Variants in PRKCZ observed in about 807,000 individuals in gnomAD.
The protein encoded by PRKCZ is protein kinase C zeta type.
In PRKCZ, 33 loss-of-function variants were observed where a neutral mutation model predicts 79.5. The observed-to-expected ratio is 0.41, with a 90% CI of 0.31 to 0.55. The LOEUF is 0.55. Ranked by LOEUF, PRKCZ falls within the 20% of genes least tolerant of loss-of-function variation. The pLI is 0.19. For synonymous variants in PRKCZ, 342 were observed against 320.9 expected, an observed-to-expected ratio of 1.07 and a Z score of -0.70; for missense variants, 578 against 813.5, an observed-to-expected ratio of 0.71 and a Z score of 3.52.
chr1:2,077,252 A>G (rs996550177), intron 4 of PRKCZ, among the ~76,000 whole-genome samples: 33 of 152,074 alleles, frequency 2.2e-4, no homozygotes, highest in African/African-American at 7.5e-4. Flanking sequence ...GTTATTTTGA[A>G]ATAGGGGGTT....
chr1:2,085,428 T>C (rs17714536), intron 4 of PRKCZ, among the ~76,000 whole-genome samples: 2,063 of 152,380 alleles, frequency 0.014, 28 homozygotes, highest in Non-Finnish European at 0.018. Context: ...ATACCAGGCT[T>C]GACTTTACTC....
chr1:2,101,854 G>A (rs954708385), intron 4 of PRKCZ, among the ~76,000 whole-genome samples: 1 of 152,214 alleles, frequency 6.6e-6, no homozygotes, highest in African/African-American at 2.4e-5. Flanking sequence ...AGGATACACG[G>A]CAGAGATACG....
At chr1:2,139,269 T>A (rs890359952) in intron 5 of PRKCZ, among the ~76,000 whole-genome samples, 7 of 152,114 alleles carry the variant, frequency 4.6e-5, no homozygotes, top group Admixed American at 3.9e-4. Flanking sequence ...CAAGACATTT[T>A]CTCTGTCAAC....
intron 4 of PRKCZ, among the ~76,000 whole-genome samples, chr1:2,086,621 G>A (rs1263491837): frequency 2.0e-5 from 3 of 152,234 alleles, no homozygotes; most frequent in Non-Finnish European, 4.4e-5. Context: ...GCTTCCTTCG[G>A]AGGAGGGTGG....
chr1:2,101,460 C>T (rs1295219677), intron 4 of PRKCZ, among the ~76,000 whole-genome samples: 5 of 152,226 alleles, frequency 3.3e-5, no homozygotes, highest in Non-Finnish European at 5.9e-5. Context: ...TGGTGCGAGA[C>T]ATCCTGTTGC....
Position 2,168,407 on chromosome 1 carries a change from G to A in PRKCZ, c.975-1111G>A, listed in dbSNP as rs537595722. Among the ~76,000 whole-genome samples the A allele has an allele frequency of 1.4e-4, 21 of 152,302 alleles. No homozygotes were observed. Among genetic ancestry groups the A allele is most frequent in the South Asian group, 2.1e-4 (1 of 4,832 alleles). On this transcript the variant is annotated intron_variant, in intron 10 of 17. Transcript: ENST00000378567. This position sits in a 1 kb window ranked among gnomAD's most constrained non-coding sequence, Gnocchi z 4.7. ...GCCGAGGAACGAGCCTTCCCCAGCC[G>A]CTCCCCAAAGGCACGGCTTATTCTT...
Position 2,175,324 on chromosome 1 carries a change from A to G in PRKCZ, c.1575+11A>G, listed in dbSNP as rs112493944. On this transcript the variant is annotated intron_variant, in intron 16 of 17. Coordinates refer to ENST00000378567, the MANE Select transcript of PRKCZ (RefSeq NM_002744.6). Reference sequence around the variant, plus strand: ...ATAGACTGGGACTTGGTAAAGCATCACAAAGCCTATTTGCACCCCCATCCC... The same window carrying G: ...ATAGACTGGGACTTGGTAAAGCATCGCAAAGCCTATTTGCACCCCCATCCC... 8.1e-3 allele frequency: 13,099 copies of G among 1,607,956 alleles called. 671 individuals are homozygous for G. In the African/African-American group the frequency reaches 0.12, roughly 14 times the overall value.
At chr1:2,131,958 C>T (rs1486646651) in intron 4 of PRKCZ, among the ~76,000 whole-genome samples, 2 of 152,074 alleles carry the variant, frequency 1.3e-5, no homozygotes, top group Non-Finnish European at 2.9e-5. Flanking sequence ...ACTACAGGCG[C>T]CCACCACCAC....
intron 1 of PRKCZ, among the ~76,000 whole-genome samples, chr1:2,051,721 C>T (rs28703783): frequency 1.3e-5 from 2 of 151,898 alleles, no homozygotes; most frequent in Non-Finnish European, 2.9e-5. Flanking sequence ...CAGGACAGTG[C>T]CCCGGGGGTC....
chr1:2,175,700 TC>T (rs1234756398), intron 16 of PRKCZ, among the ~76,000 whole-genome samples: 1 of 151,878 alleles, frequency 6.6e-6, no homozygotes, highest in Non-Finnish European at 1.5e-5. Flanking sequence ...GGCTCCTGTC[TC>T]CCAGAAGGGT....
intron 4 of PRKCZ, among the ~76,000 whole-genome samples, chr1:2,103,145 G>A (rs903498541): frequency 9.9e-5 from 15 of 152,280 alleles, no homozygotes; most frequent in South Asian, 2.1e-4. Flanking sequence ...GAGCCACCAC[G>A]CCGGGCTAGA....
intron 6 of PRKCZ, among the ~76,000 whole-genome samples, chr1:2,145,818 A>G (rs1678379627): frequency 6.6e-6 from 1 of 152,188 alleles, no homozygotes; most frequent in African/African-American, 2.4e-5. Flanking sequence ...CTGGAAGCTG[A>G]GGCGGGAGGA....
chr1:2,143,045 T>C (rs1040866634), intron 5 of PRKCZ: 4 of 150,008 alleles, frequency 2.7e-5, no homozygotes, highest in Admixed American at 2.7e-4. Context: ...TTTTTTTTTT[T>C]TGAGATGGAG....
At chr1:2,112,708 A>G (rs1258813188) in intron 4 of PRKCZ, among the ~76,000 whole-genome samples, 70 of 141,696 alleles carry the variant, frequency 4.9e-4, no homozygotes, top group South Asian at 9.3e-4. Flanking sequence ...TTTTTTTTGG[A>G]GACAGAGTCT....
At chr1:2,071,078 G>A (rs114538145) in intron 4 of PRKCZ, among the ~76,000 whole-genome samples, 4,069 of 102,788 alleles carry the variant, frequency 0.04, 170 homozygotes, top group African/African-American at 0.13. Flanking sequence ...TGGGCAATGC[G>A]GGGGCCGATT....
intron 2 of PRKCZ, chr1:2,055,977 A>C: frequency 5.4e-6 from 1 of 184,826 alleles, no homozygotes; most frequent in Admixed American, 5.5e-5. Flanking sequence ...TCTTAGACAC[A>C]TCCTGAAAAA....
chr1:2,172,028 C>T lies in PRKCZ; in HGVS notation c.1062-27C>T, dbSNP rs1187250530. On this transcript the variant is annotated intron_variant, in intron 11 of 17. Coordinates refer to ENST00000378567, the MANE Select transcript of PRKCZ (RefSeq NM_002744.6). This position sits in a 1 kb window ranked among gnomAD's most constrained non-coding sequence, Gnocchi z 7.8. ...GGCGCAGCCTCTGGCACAGGCACTG[C>T]CCCCATGACGGCATCCCCACCCCCA... 2.5e-6 allele frequency: 4 copies of T among 1,575,912 alleles called. No homozygotes were observed. The highest frequency in any genetic ancestry group is 2.4e-5 in the South Asian group (2 of 84,422).
chr1:2,054,766 G>A (rs945955722), intron 1 of PRKCZ, among the ~76,000 whole-genome samples: 2 of 152,070 alleles, frequency 1.3e-5, no homozygotes, highest in Non-Finnish European at 2.9e-5. Context: ...GCACCGACCC[G>A]GCTCGCGCCC....
chr1:2,076,174 CAT>C (rs1662375690), intron 4 of PRKCZ, among the ~76,000 whole-genome samples: 1 of 152,178 alleles, frequency 6.6e-6, no homozygotes, highest in South Asian at 2.1e-4. Context: ...AGTGTGATGA[CAT>C]CTGAAAAACC....
Sources: gnomAD v4.1 joint callset for allele counts (sites outside exome capture counted in the v4.1 genomes callset) on GRCh38, gnomAD v4.1.1 for gene constraint, Gnocchi (gnomAD v3.1) non-coding constraint, MANE v1.5 for transcripts, NCBI Gene and HGNC (gene_info 2026-07-23, HGNC 2026-07-21) for gene names.